EGFR: variants seen among roughly 807,000 people sequenced by gnomAD.
EGFR encodes epidermal growth factor receptor.
A neutral mutation model predicts 143.0 loss-of-function variants in EGFR; 58 were observed. That is an observed-to-expected ratio of 0.41 (90% confidence interval 0.33 to 0.50). EGFR has a LOEUF of 0.50. Ranked by LOEUF, EGFR falls within the 20% of genes least tolerant of loss-of-function variation. The probability of loss-of-function intolerance (pLI) is 0.39; values close to 1 mark genes in which losing one functional copy is unlikely to be tolerated. For synonymous variants in EGFR, 613 were observed against 594.4 expected, an observed-to-expected ratio of 1.03 and a Z score of -0.45; for missense variants, 1,307 against 1,579.0, an observed-to-expected ratio of 0.83 and a Z score of 2.92.
At chr7:55,061,893 T>C (rs1183846845) in intron 1 of EGFR, among the ~76,000 whole-genome samples, 1 of 152,160 alleles carries the variant, frequency 6.6e-6, no homozygotes, top group African/African-American at 2.4e-5. Context: ...GGCAGCATTG[T>C]TGGAGGTGAG....
At chr7:55,121,167 T>C (rs760787155) in intron 1 of EGFR, among the ~76,000 whole-genome samples, 2 of 152,200 alleles carry the variant, frequency 1.3e-5, no homozygotes, top group Non-Finnish European at 2.9e-5. Flanking sequence ...CACTGTCCTC[T>C]TCAGAAAGCC....
intron 14 of EGFR, among the ~76,000 whole-genome samples, chr7:55,164,263 G>A (rs1268657453): frequency 6.6e-6 from 1 of 152,106 alleles, no homozygotes; most frequent in Non-Finnish European, 1.5e-5. Context: ...ATAACATATA[G>A]ATACAATATT....
At chr7:55,185,084 G>A (rs1861004) in intron 20 of EGFR, among the ~76,000 whole-genome samples, 3,282 of 152,172 alleles carry the variant, frequency 0.022, 124 homozygotes, top group African/African-American at 0.073. Context: ...CCACTGTTAT[G>A]CAAGTTTCAT....
intron 13 of EGFR, among the ~76,000 whole-genome samples, chr7:55,162,764 G>C (rs1339317705): frequency 6.6e-6 from 1 of 152,168 alleles, no homozygotes; most frequent in East Asian, 1.9e-4. Context: ...TGGTGCCATT[G>C]ACCAAAGGGG....
chr7:55,154,514 G>A (rs576732725), intron 7 of EGFR, among the ~76,000 whole-genome samples: 2 of 152,392 alleles, frequency 1.3e-5, no homozygotes, highest in South Asian at 4.1e-4. Flanking sequence ...GCATGCCACT[G>A]TTTAGTGCTT....
chr7:55,065,013 A>T (rs1337164981), intron 1 of EGFR, among the ~76,000 whole-genome samples: 2 of 152,238 alleles, frequency 1.3e-5, no homozygotes, highest in African/African-American at 4.8e-5. Flanking sequence ...ATCAGAAGGC[A>T]CACTATAGTG....
intron 1 of EGFR, among the ~76,000 whole-genome samples, chr7:55,124,025 G>A (rs946845569): frequency 2.2e-4 from 33 of 152,170 alleles, no homozygotes; most frequent in African/African-American, 7.7e-4. Flanking sequence ...ATGTGTGCTT[G>A]GTGTATGTGT....
chr7:55,118,154 G>T (rs1431282409), intron 1 of EGFR, among the ~76,000 whole-genome samples: 2 of 152,124 alleles, frequency 1.3e-5, no homozygotes, highest in Non-Finnish European at 2.9e-5. Flanking sequence ...TGAGCATTTT[G>T]CCAGTGCTTC....
At chr7:55,033,261 A>C (rs1289258662) in intron 1 of EGFR, among the ~76,000 whole-genome samples, 1 of 152,226 alleles carries the variant, frequency 6.6e-6, no homozygotes, top group African/African-American at 2.4e-5. Context: ...TATACAAAGC[A>C]AATGTACCGA....
At chr7:55,171,355 G>A (rs887408112) in intron 16 of EGFR, 142 bp downstream of exon 16, 24 of 1,214,650 alleles carry the variant, frequency 2.0e-5, no homozygotes, top group African/African-American at 9.0e-5. Flanking sequence ...CCTCAGCCAG[G>A]GTTTCTGCAG....
At chr7:55,091,890 A>C (rs6967929) in intron 1 of EGFR, among the ~76,000 whole-genome samples, 231 of 96,696 alleles carry the variant, frequency 2.4e-3, no homozygotes, top group African/African-American at 7.6e-3. Flanking sequence ...ACACACACAC[A>C]CCCTGAGAGA....
rs1256973488 is a variant in EGFR at position 55,209,088 on chromosome 7, C to T, written c.*3471C>T. On this transcript the variant is annotated 3_prime_UTR_variant, in exon 28 of 28. Coordinates refer to ENST00000275493, the MANE Select transcript of EGFR (RefSeq NM_005228.5). ...GGGTGATGGGAACTCAGCACCTCCC[C>T]TCAGGCAGAAAAGAATCATCTGTGG... The T allele has an allele frequency of 6.6e-6, 1 of 152,006 alleles. No individual in the cohort carries two copies. Among genetic ancestry groups the T allele is most frequent in the Non-Finnish European group, 1.5e-5 (1 of 68,040 alleles). 9.4% of individuals were successfully genotyped at this position (152,006 alleles called of 1,614,324 possible).
intron 1 of EGFR, among the ~76,000 whole-genome samples, chr7:55,115,086 G>GTC (rs1312707075): frequency 6.6e-6 from 1 of 151,826 alleles, no homozygotes; most frequent in African/African-American, 2.4e-5. Flanking sequence ...TTTCACCATG[G>GTC]TCTCGATCTC....
intron 1 of EGFR, among the ~76,000 whole-genome samples, chr7:55,079,192 G>C (rs1790317715): frequency 6.6e-6 from 1 of 152,082 alleles, no homozygotes. Flanking sequence ...TACCACCAGG[G>C]GACTCGAGAT....
At chr7:55,055,721 CACCACA>C (rs1788770987) in intron 1 of EGFR, among the ~76,000 whole-genome samples, 1 of 76,630 alleles carries the variant, frequency 1.3e-5, no homozygotes, top group Non-Finnish European at 2.4e-5. Context: ...CACACACACA[CACCACA>C]CACACACACA....
intron 15 of EGFR, chr7:55,170,205 C>T: frequency 6.2e-7 from 1 of 1,601,392 alleles, no homozygotes; most frequent in South Asian, 1.1e-5. Flanking sequence ...GAACAGAGAC[C>T]TGGAGAGCAG....
At chr7:55,037,232 A>G (rs1451667778) in intron 1 of EGFR, among the ~76,000 whole-genome samples, 2 of 152,208 alleles carry the variant, frequency 1.3e-5, no homozygotes, top group Non-Finnish European at 2.9e-5. Flanking sequence ...TCAACTCAAT[A>G]GGCATGTGTC....
chr7:55,029,687 A>G (rs1161110577), intron 1 of EGFR, among the ~76,000 whole-genome samples: 2 of 152,152 alleles, frequency 1.3e-5, no homozygotes, highest in Non-Finnish European at 2.9e-5. Context: ...TTGTTAAGGG[A>G]GTTTTTCTTA....
chr7:55,205,576 C>T lies in EGFR; in HGVS notation c.3592C>T (p.Leu1198=), dbSNP rs142188270. Residue 1198 remains leucine, a synonymous_variant, in exon 28 of 28, where the codon CTA becomes TTA. Transcript: ENST00000275493. ...KGSTAENAEY[L]RVAPQSSEFI... ...CTCCACAGCTGAAAATGCAGAATAC[C>T]TAAGGGTCGCGCCACAAAGCAGTGA... is the stretch of plus-strand genomic sequence containing the variant. 506 of 1,614,158 alleles carry T rather than the reference C, an allele frequency of 3.1e-4. 1 individual carries two copies. The African/African-American group carries it at 5.7e-3, about 18-fold the overall frequency.
Sources: gnomAD v4.1 joint callset for allele counts (sites outside exome capture counted in the v4.1 genomes callset) on GRCh38, gnomAD v4.1.1 for gene constraint, MANE v1.5 for transcripts, NCBI Gene and HGNC (gene_info 2026-07-23, HGNC 2026-07-21) for gene names.